The following FAT1 variants were observed in gnomAD, a reference collection of about 807,000 sequenced individuals.
FAT1 encodes protocadherin Fat 1.
In FAT1, 171 loss-of-function variants were observed where a neutral mutation model predicts 329.8. The ratio of observed to expected loss-of-function variants is 0.52; its 90% CI spans 0.46 to 0.59. The LOEUF (loss-of-function observed/expected upper bound fraction) is 0.59. Among genes scored for constraint, FAT1 ranks in the 20% least tolerant of loss-of-function variants. The pLI, the probability that FAT1 is intolerant of heterozygous loss-of-function variation, is 0.00. For synonymous variants in FAT1, 2,233 were observed against 2,228.6 expected (o/e 1.00, Z -0.06); for missense variants, 5,672 against 5,774.4 (o/e 0.98, Z 0.57).
chr4:186,724,571 G>A (rs1268841550), upstream of FAT1, among the ~76,000 whole-genome samples: 1 of 152,180 alleles, frequency 6.6e-6, no homozygotes, highest in African/African-American at 2.4e-5. The surrounding 1 kb of genome is among the most constrained non-coding windows in gnomAD (Gnocchi z 5.3). Context: ...GGGCCCCAAA[G>A]CGTGACCCCA....
chr4:186,687,431 C>T (rs1025493345), intron 2 of FAT1, among the ~76,000 whole-genome samples: 3 of 152,172 alleles, frequency 2.0e-5, no homozygotes, highest in African/African-American at 7.2e-5. Context: ...AATTTCATTA[C>T]CTTTCACCCA....
intron 3 of FAT1, among the ~76,000 whole-genome samples, chr4:186,651,071 A>AATAATTTATTTATTAT (rs1491139753): frequency 3.1e-4 from 46 of 149,230 alleles, no homozygotes; most frequent in African/African-American, 7.1e-4. Flanking sequence ...TTTATTATTA[A>AATAATTTATTTATTAT]TAATTGATAA....
In FAT1 at chr4:186,676,008, C is replaced by A. The variant is rs533133980; in HGVS notation, c.3266-12395G>T. Among the ~76,000 whole-genome samples, 110 of 151,974 alleles carry A rather than the reference C, an allele frequency of 7.2e-4. No homozygotes were observed. The Middle Eastern group carries it at 0.01, about 14-fold the overall frequency. ...GGTGCAAAAGAAACAAAAAGAAGAG[C>A]AAAATGAGGTCCTATGAGAAGACAG... On this transcript the variant is annotated intron_variant, in intron 2 of 26. Coordinates refer to ENST00000441802, the MANE Select transcript of FAT1 (RefSeq NM_005245.4).
intron 3 of FAT1, among the ~76,000 whole-genome samples, chr4:186,658,475 TGAG>T (rs1742020369): frequency 1.3e-5 from 2 of 152,220 alleles, no homozygotes; most frequent in South Asian, 2.1e-4. Flanking sequence ...AAAAAGATAT[TGAG>T]GAGATGTCTC....
At chr4:186,609,137 T>C (rs1739274030) in intron 16 of FAT1, 46 bp downstream of exon 16, 2 of 1,594,768 alleles carry the variant, frequency 1.3e-6, no homozygotes, top group African/African-American at 1.3e-5. Flanking sequence ...TTCTAGTTAT[T>C]GATGTGGTGA....
At position 186,609,365 on chromosome 4, in the gene FAT1, C is replaced by T. The variant is rs578257791; in HGVS notation, c.10069-45G>A. The T allele has an allele frequency of 4.1e-4, 652 of 1,572,174 alleles. 6 individuals are homozygous for T. The South Asian group carries it at 7.3e-3, about 18-fold the overall frequency. The stretch of plus-strand genomic sequence containing the variant: ...TGTTTAGGAGACAGCTAAGAAGAGG[C>T]CTAAACCTATTACACAAAATTTGTG... On this transcript the variant is annotated intron_variant, in intron 15 of 26. Transcript: ENST00000441802.
At chr4:186,642,739 G>A (rs1010677132) in intron 3 of FAT1, among the ~76,000 whole-genome samples, 1 of 152,182 alleles carries the variant, frequency 6.6e-6, no homozygotes, top group African/African-American at 2.4e-5. Context: ...AAGAAGCTGT[G>A]GGCATACAGA....
At chr4:186,614,817 T>C (rs1739626545) in intron 11 of FAT1, among the ~76,000 whole-genome samples, 1 of 106,716 alleles carries the variant, frequency 9.4e-6, no homozygotes, top group African/African-American at 6.0e-5. Flanking sequence ...TTTCATGTTA[T>C]GGGAGAAAAC....
chr4:186,625,235 C>T (rs760010875), intron 9 of FAT1, among the ~76,000 whole-genome samples: 2 of 152,148 alleles, frequency 1.3e-5, no homozygotes, highest in Non-Finnish European at 2.9e-5. Flanking sequence ...TATTGAAGTA[C>T]GCAGGCATGC....
chr4:186,635,691 T>C (rs183596816), intron 6 of FAT1, among the ~76,000 whole-genome samples: 1 of 152,202 alleles, frequency 6.6e-6, no homozygotes, highest in Non-Finnish European at 1.5e-5. Flanking sequence ...CAATGTGCCA[T>C]AGGTTATGCA....
chr4:186,686,332 T>C (rs537533167), intron 2 of FAT1, among the ~76,000 whole-genome samples: 2 of 151,786 alleles, frequency 1.3e-5, no homozygotes, highest in South Asian at 2.1e-4. Context: ...AGACTCTATA[T>C]TGCAGTTTTT....
intron 1 of FAT1, among the ~76,000 whole-genome samples, chr4:186,723,425 G>A (rs919100572): frequency 6.6e-6 from 1 of 152,340 alleles, no homozygotes; most frequent in East Asian, 1.9e-4. Context: ...AATGGCCCCG[G>A]ATCGGTCCCG....
intron 4 of FAT1, among the ~76,000 whole-genome samples, chr4:186,639,101 AG>A (rs752221897): frequency 2.6e-5 from 4 of 152,250 alleles, no homozygotes; most frequent in Non-Finnish European, 5.9e-5. Context: ...GGGTTTTCTA[AG>A]GACTAAAAGG....
At chr4:186,679,008 G>C (rs1293339512) in intron 2 of FAT1, among the ~76,000 whole-genome samples, 1 of 152,106 alleles carries the variant, frequency 6.6e-6, no homozygotes, top group Non-Finnish European at 1.5e-5. Context: ...GGAATACTGG[G>C]CAGTCACAAA....
At chr4:186,623,518 A>C (rs1397875733) in intron 9 of FAT1, among the ~76,000 whole-genome samples, 3 of 152,140 alleles carry the variant, frequency 2.0e-5, no homozygotes, top group African/African-American at 7.2e-5. Context: ...TCATTCTTCT[A>C]TATCCACTTC....
At chr4:186,616,983 A>C in intron 11 of FAT1, 22 bp downstream of exon 11, 3 of 1,595,054 alleles carry the variant, frequency 1.9e-6, no homozygotes, top group Non-Finnish European at 2.6e-6. Flanking sequence ...TAACACACAA[A>C]TGTAAGGGAA....
chr4:186,697,666 T>C (rs1744103187), intron 2 of FAT1, among the ~76,000 whole-genome samples: 1 of 152,228 alleles, frequency 6.6e-6, no homozygotes, highest in South Asian at 2.1e-4. Flanking sequence ...CAGGTTTTAT[T>C]TCTCTATTAC....
At chr4:186,662,520 A>G (rs1406046806) in intron 3 of FAT1, among the ~76,000 whole-genome samples, 1 of 152,172 alleles carries the variant, frequency 6.6e-6, no homozygotes, top group Non-Finnish European at 1.5e-5. Context: ...AACCACTTCC[A>G]ATCTGAAAAC....
chr4:186,676,896 T>G (rs1056341872), intron 2 of FAT1, among the ~76,000 whole-genome samples: 3 of 152,200 alleles, frequency 2.0e-5, no homozygotes, highest in Non-Finnish European at 4.4e-5. Flanking sequence ...AAGAATCATA[T>G]GCAATTCAGT....
Sources: allele counts gnomAD v4.1 joint callset (sites outside exome capture counted in the v4.1 genomes callset), GRCh38; gene constraint gnomAD v4.1.1; non-coding constraint Gnocchi (gnomAD v3.1); transcripts MANE v1.5; gene names NCBI Gene and HGNC (gene_info 2026-07-23, HGNC 2026-07-21).